The following RC3H1 variants were observed in gnomAD, a reference collection of about 807,000 sequenced individuals.
RC3H1 encodes roquin-1.
A neutral mutation model predicts 138.2 loss-of-function variants in RC3H1; 50 were observed. The ratio of observed to expected loss-of-function variants is 0.36; its 90% CI spans 0.29 to 0.46. The LOEUF is 0.46. Among genes scored for constraint, RC3H1 ranks in the 20% least tolerant of loss-of-function variants. The pLI is 1.00. For missense variants in RC3H1, 1,031 were observed against 1,388.1 expected, an observed-to-expected ratio of 0.74 and a Z score of 4.09; for synonymous variants, 462 against 489.1, an observed-to-expected ratio of 0.94 and a Z score of 0.73.
At chr1:173,979,015 G>C (rs750905131) in intron 6 of RC3H1, among the ~76,000 whole-genome samples, 1 of 152,004 alleles carries the variant, frequency 6.6e-6, no homozygotes, top group Non-Finnish European at 1.5e-5. Flanking sequence ...TGGTGACCTT[G>C]GCAATATGTG....
chr1:173,974,271 C>A (rs1381387722), intron 7 of RC3H1, among the ~76,000 whole-genome samples: 1 of 92,088 alleles, frequency 1.1e-5, no homozygotes, highest in Non-Finnish European at 1.9e-5. Flanking sequence ...TAGAGGGAGA[C>A]TGTCTCAAAA....
chr1:173,951,892 CA>C lies in RC3H1; in HGVS notation c.2523+93del, dbSNP rs1457343985. On this transcript the variant is annotated intron_variant, in intron 14 of 19. Transcript: ENST00000367696. ...TAGAATATGGTCTGAAACTCTTAAG[CA>C]AAGCTGAATTATTTGTGCCTAAATG... 8 of 1,231,174 alleles carry C rather than the reference CA, an allele frequency of 6.5e-6. No individual in the cohort carries two copies. The Admixed American group carries it at 8.1e-5, about 13-fold the overall frequency. The allele number at this position is 1,231,174 out of a possible 1,614,324, so 76.3% of individuals were successfully genotyped here. A position where few individuals can be genotyped will look rare whatever the true frequency, so the allele number is the denominator to read the frequency against.
At chr1:173,953,590 A>G (rs555647098) in intron 13 of RC3H1, among the ~76,000 whole-genome samples, 28 of 152,096 alleles carry the variant, frequency 1.8e-4, no homozygotes, top group African/African-American at 6.3e-4. Context: ...CCTTTTTTAA[A>G]TCTCTGTAGT....
chr1:173,983,760 G>GGACTA, intron 3 of RC3H1, 103 bp from the exon 4 acceptor site: 1 of 1,117,074 alleles, frequency 9.0e-7, no homozygotes, highest in Non-Finnish European at 1.3e-6. Flanking sequence ...ACTAGTTCTG[G>GGACTA]GACTACTAGA....
At chr1:173,979,558 A>G (rs112205503) in intron 6 of RC3H1, among the ~76,000 whole-genome samples, 19 of 152,306 alleles carry the variant, frequency 1.2e-4, no homozygotes, top group African/African-American at 3.9e-4. Context: ...TGGGAGGCTG[A>G]GGCAGGAGAA....
At chr1:173,968,337 A>C (rs774311224) in intron 9 of RC3H1, among the ~76,000 whole-genome samples, 35 of 152,238 alleles carry the variant, frequency 2.3e-4, no homozygotes, top group East Asian at 9.6e-4. Context: ...ATTTCTTGGA[A>C]TTTGTTGTTT....
Position 174,017,783 on chromosome 1 carries a change from C to CAAAAAAAAAAAAAAAAAAAAAAAA in RC3H1, c.-151+4289_-151+4312dup, listed in dbSNP as rs61239660. On this transcript the variant is annotated intron_variant, in intron 1 of 19. Transcript: ENST00000367696. ...ACCCCTTTAGAACTCTTTTCTTGCTCAAAAAAAAAAAAAAAAAAAAAAAAA... is the reference window on the plus strand; with the variant it reads ...ACCCCTTTAGAACTCTTTTCTTGCTCAAAAAAAAAAAAAAAAAAAAAAAAAAAAAAAAAAAAAAAAAAAAAAAAA... 2.1e-4 allele frequency among the ~76,000 whole-genome samples: 15 copies of CAAAAAAAAAAAAAAAAAAAAAAAA among 72,030 alleles called. 1 individual carries two copies. Among genetic ancestry groups the CAAAAAAAAAAAAAAAAAAAAAAAA allele is most frequent in the African/African-American group, 6.3e-4 (11 of 17,528 alleles). 47.3% of individuals were successfully genotyped at this position (72,030 alleles called of 152,430 possible).
intron 10 of RC3H1, 46 bp from the exon 11 acceptor site, chr1:173,964,233 G>A: frequency 7.1e-7 from 1 of 1,414,232 alleles, no homozygotes; most frequent in Non-Finnish European, 1.0e-6. Flanking sequence ...TACTTCTCAT[G>A]TGCATAAATT....
chr1:173,938,324 G>A lies in RC3H1; in HGVS notation c.*397C>T, dbSNP rs1054327207. 1 of 154,214 alleles carries A rather than the reference G, an allele frequency of 6.5e-6. No homozygotes were observed. The highest frequency in any genetic ancestry group is 1.4e-5 in the Non-Finnish European group (1 of 69,308). 9.6% of individuals were successfully genotyped at this position (154,214 alleles called of 1,614,324 possible). A position where few individuals can be genotyped will look rare whatever the true frequency, so the allele number is the denominator to read the frequency against. On this transcript the variant is annotated 3_prime_UTR_variant, in exon 20 of 20. Transcript: ENST00000367696. Reference sequence around the variant, plus strand: ...TGAGGAATTATACAAATTATACACTGGGTATGTAATACCAAAATACAAGAA... The same window carrying A: ...TGAGGAATTATACAAATTATACACTAGGTATGTAATACCAAAATACAAGAA...
intron 2 of RC3H1, 66 bp downstream of exon 2, chr1:173,992,669 AACACACACACACACACACAC>A: frequency 1.5e-6 from 1 of 656,794 alleles, no homozygotes; most frequent in Non-Finnish European, 2.4e-6. Flanking sequence ...AAACACGCAC[AACACACACACACACACACAC>A]ACACACACAC....
chr1:173,960,525 C>G (rs763884105), intron 13 of RC3H1, among the ~76,000 whole-genome samples: 2 of 152,142 alleles, frequency 1.3e-5, no homozygotes, highest in Non-Finnish European at 2.9e-5. Context: ...AAACTGGCCA[C>G]ATATTACATG....
intron 19 of RC3H1, among the ~76,000 whole-genome samples, chr1:173,939,929 AT>A (rs1658772053): frequency 6.6e-6 from 1 of 152,192 alleles, no homozygotes; most frequent in South Asian, 2.1e-4. Context: ...GTTATATATC[AT>A]CAGGGGGGCA....
intron 7 of RC3H1, among the ~76,000 whole-genome samples, chr1:173,977,091 T>C (rs1003714650): frequency 2.6e-5 from 4 of 151,646 alleles, no homozygotes; most frequent in African/African-American, 9.7e-5. Flanking sequence ...CCCAGCTAAT[T>C]TTTTTTGTAT....
chr1:173,956,196 GCTAC>G (rs1020364175), intron 13 of RC3H1, among the ~76,000 whole-genome samples: 2 of 151,316 alleles, frequency 1.3e-5, no homozygotes, highest in African/African-American at 4.9e-5. Context: ...TGACTTAAAT[GCTAC>G]CTACCTACCA....
intron 1 of RC3H1, among the ~76,000 whole-genome samples, chr1:174,019,114 A>C (rs1482915811): frequency 6.6e-6 from 1 of 152,238 alleles, no homozygotes; most frequent in Non-Finnish European, 1.5e-5. Context: ...CAAATTAACC[A>C]TGAAAACAAT....
Position 173,964,204 on chromosome 1 carries a change from A to G in RC3H1, c.1617-17T>C, listed in dbSNP as rs776444795. On this transcript the variant is annotated splice_polypyrimidine_tract_variant and intron_variant, in intron 10 of 19. Coordinates refer to ENST00000367696, the MANE Select transcript of RC3H1 (RefSeq NM_172071.4). Reference sequence around the variant, plus strand: ...GATTCTAGCCTAAGGGAATAATATTATGGAAGTTGTTTAAAAAATACTTCT... The same window carrying G: ...GATTCTAGCCTAAGGGAATAATATTGTGGAAGTTGTTTAAAAAATACTTCT... The G allele has an allele frequency of 7.0e-6, 11 of 1,579,062 alleles. No individual in the cohort carries two copies. The highest frequency in any genetic ancestry group is 7.8e-6 in the Non-Finnish European group (9 of 1,148,722).
chr1:174,015,944 TAATCCCAGC>T (rs1661854903), intron 1 of RC3H1: 1 of 151,764 alleles, frequency 6.6e-6, no homozygotes, highest in Non-Finnish European at 1.5e-5. Context: ...CTCATGTCTG[TAATCCCAGC>T]ACTCTGGAAG....
intron 19 of RC3H1, among the ~76,000 whole-genome samples, chr1:173,939,296 C>T (rs149647582): frequency 0.063 from 9,473 of 151,418 alleles, 420 homozygotes; most frequent in Admixed American, 0.095. Context: ...CCAGCACTTT[C>T]GGAGGCCAAG....
intron 19 of RC3H1, among the ~76,000 whole-genome samples, chr1:173,940,815 T>G (rs1658823047): frequency 1.4e-5 from 2 of 147,888 alleles, no homozygotes; most frequent in African/African-American, 5.3e-5. Context: ...TCCAGATTTA[T>G]GCAAAAATAT....
Sources: gnomAD v4.1 joint callset for allele counts (sites outside exome capture counted in the v4.1 genomes callset) on GRCh38, gnomAD v4.1.1 for gene constraint, MANE v1.5 for transcripts, NCBI Gene and HGNC (gene_info 2026-07-23, HGNC 2026-07-21) for gene names.